Variants in LYRM4 observed in about 807,000 individuals in gnomAD.
LYRM4 encodes LYR motif containing 4, also known as LYR motif-containing protein 4.
A neutral mutation model predicts 11.7 loss-of-function variants in LYRM4; 9 were observed. The observed-to-expected ratio is 0.77, with a 90% CI of 0.46 to 1.34. The LOEUF (loss-of-function observed/expected upper bound fraction) is 1.34, where lower values mean the gene tolerates loss of function less well. LYRM4 is among the 40% of genes most tolerant of loss of function. The probability of loss-of-function intolerance (pLI) is 0.00; values close to 1 mark genes in which losing one functional copy is unlikely to be tolerated. For synonymous variants in LYRM4, 42 were observed against 40.4 expected, an observed-to-expected ratio of 1.04 and a Z score of -0.15; for missense variants, 133 against 112.5, an observed-to-expected ratio of 1.18 and a Z score of -0.82.
At chr6:5,081,134 CGGG>C in the LYRM4 span, among the ~76,000 whole-genome samples, 82 of 126,076 alleles carry the variant, frequency 6.5e-4, no homozygotes, top group African/African-American at 2.7e-3. Context: ...CACACTTGGG[CGGG>C]GGGGGGGGGG....
chr6:5,236,998 T>C (rs1016483507), intron 1 of LYRM4, among the ~76,000 whole-genome samples: 4 of 152,112 alleles, frequency 2.6e-5, no homozygotes, highest in African/African-American at 7.2e-5. Flanking sequence ...GGGCTTTGAA[T>C]TGCAGTGGGT....
chr6:5,086,436 C>T, the LYRM4 span: 15 of 1,536,532 alleles, frequency 9.8e-6, no homozygotes, highest in African/African-American at 2.7e-5. Context: ...ACGAAGAGGA[C>T]GCCGACGAGC....
chr6:5,136,822 G>A (rs1757124400), intron 2 of LYRM4: 1 of 985,216 alleles, frequency 1.0e-6, no homozygotes, highest in African/African-American at 1.7e-5. Flanking sequence ...TCTTCCTGAT[G>A]TCTCTTAACA....
intron 1 of LYRM4, among the ~76,000 whole-genome samples, chr6:5,250,658 A>C (rs1581601386): frequency 6.6e-6 from 1 of 152,226 alleles, no homozygotes; most frequent in Non-Finnish European, 1.5e-5. Context: ...GTCAGGTAAC[A>C]ATAGTTCTTT....
chr6:5,066,681 T>C, the LYRM4 span: 4 of 998,990 alleles, frequency 4.0e-6, no homozygotes, highest in Non-Finnish European at 3.2e-6. Context: ...TGGACTGCAC[T>C]GCAGCAATAG....
Position 5,218,368 on chromosome 6 carries a change from G to T in LYRM4, c.87-1630C>A, listed in dbSNP as rs78365429. On this transcript the variant is annotated intron_variant, in intron 1 of 2. Coordinates refer to ENST00000330636, the MANE Select transcript of LYRM4 (RefSeq NM_020408.6). ...AAATTTCCTTGGGAGCAGCGCGGAG[G>T]GGGTGTTGGGAGCTCATATAACTTA... 4.7e-3 allele frequency: 4,631 copies of T among 985,072 alleles called. 138 individuals are homozygous for T. In the African/African-American group the frequency reaches 0.069, roughly 15 times the overall value. The allele number at this position is 985,072 out of a possible 1,614,324, so 61.0% of individuals were successfully genotyped here.
chr6:5,182,625 T>G (rs1333718929), intron 2 of LYRM4, among the ~76,000 whole-genome samples: 2 of 152,226 alleles, frequency 1.3e-5, no homozygotes, highest in Admixed American at 1.3e-4. Context: ...TAAGAGTGGT[T>G]TAGAACAATG....
intron 2 of LYRM4, among the ~76,000 whole-genome samples, chr6:5,146,106 A>G (rs1757708489): frequency 6.6e-6 from 1 of 152,182 alleles, no homozygotes; most frequent in Non-Finnish European, 1.5e-5. Flanking sequence ...TGCTTCTGGC[A>G]CTGGATTCAG....
the LYRM4 span, among the ~76,000 whole-genome samples, chr6:5,039,180 G>T: frequency 6.6e-6 from 1 of 151,784 alleles, no homozygotes; most frequent in Non-Finnish European, 1.5e-5. Context: ...AACACTATAA[G>T]AGAAACTGGT....
chr6:5,250,804 G>A (rs1222751967), intron 1 of LYRM4, among the ~76,000 whole-genome samples: 1 of 152,100 alleles, frequency 6.6e-6, no homozygotes, highest in Non-Finnish European at 1.5e-5. Context: ...CCTTTACTAT[G>A]TTCTTACATA....
chr6:5,038,298 CA>C, the LYRM4 span, among the ~76,000 whole-genome samples: 3 of 57,846 alleles, frequency 5.2e-5, 1 homozygote, highest in Non-Finnish European at 1.2e-4. Flanking sequence ...GGCGGCCGGG[CA>C]GAGATGCTCC....
chr6:5,256,070 G>T lies in LYRM4; in HGVS notation c.86+4578C>A, dbSNP rs563079545. Among the ~76,000 whole-genome samples the T allele has an allele frequency of 6.6e-5, 10 of 151,940 alleles. No individual in the cohort carries two copies. In the South Asian group the frequency reaches 1.0e-3, roughly 16 times the overall value. ...AACAAAGAATTAGCTGGCCCAAAAGGTTGGTCATGCCAAGATTGAGAAATC... is the reference window on the plus strand; with the variant it reads ...AACAAAGAATTAGCTGGCCCAAAAGTTTGGTCATGCCAAGATTGAGAAATC... On this transcript the variant is annotated intron_variant, in intron 1 of 2. Coordinates refer to ENST00000330636, the MANE Select transcript of LYRM4 (RefSeq NM_020408.6).
At chr6:5,137,535 T>C (rs1056499673) in intron 2 of LYRM4, among the ~76,000 whole-genome samples, 1 of 152,202 alleles carries the variant, frequency 6.6e-6, no homozygotes. Flanking sequence ...GTAATCTCAC[T>C]GCATTGATAC....
intron 2 of LYRM4, among the ~76,000 whole-genome samples, chr6:5,166,024 A>G (rs1223916319): frequency 6.6e-6 from 1 of 152,180 alleles, no homozygotes. Flanking sequence ...TTTTTTTTAA[A>G]ATTATAAACT....
intron 1 of LYRM4, among the ~76,000 whole-genome samples, chr6:5,231,138 G>T (rs531352068): frequency 6.6e-6 from 1 of 152,044 alleles, no homozygotes; most frequent in East Asian, 1.9e-4. Context: ...TTAGCTGGGC[G>T]TGGTGGCGGG....
chr6:5,255,903 T>G (rs1035479272), intron 1 of LYRM4, among the ~76,000 whole-genome samples: 2 of 152,216 alleles, frequency 1.3e-5, no homozygotes, highest in Non-Finnish European at 1.5e-5. Context: ...ATAGTATTCC[T>G]AGATAATTCA....
chr6:5,169,461 G>C (rs1759289397), intron 2 of LYRM4, among the ~76,000 whole-genome samples: 1 of 152,196 alleles, frequency 6.6e-6, no homozygotes, highest in Non-Finnish European at 1.5e-5. Flanking sequence ...ACGGCCAAGA[G>C]TATAGTCAAA....
intron 2 of LYRM4, among the ~76,000 whole-genome samples, chr6:5,164,886 T>C (rs1758979774): frequency 6.7e-6 from 1 of 148,530 alleles, no homozygotes; most frequent in Non-Finnish European, 1.5e-5. Flanking sequence ...GAGAATCGCT[T>C]GAACCTGGGA....
rs778354805 is a variant in LYRM4, at chr6:5,109,451, A to G, written c.248T>C (p.Ile83Thr). The change falls in exon 3 of 3, where the codon ATT becomes ACT. Residue 83 changes from isoleucine (I) to threonine (T), a missense_variant. By Grantham distance (89) the Ile-to-Thr change is moderately conservative. Coordinates refer to ENST00000330636, the MANE Select transcript of LYRM4 (RefSeq NM_020408.6). ...GQLYSTDKLIIENRDMPRT is the reference protein window; with the variant it reads ...GQLYSTDKLITENRDMPRT ...GGTCCTGGGCATGTCTCGATTCTCA[A>G]TGATCAGCTTGTCAGTTGAATACAG... 2 of 1,614,002 alleles carry G rather than the reference A, an allele frequency of 1.2e-6. No individual in the cohort carries two copies. Among genetic ancestry groups the G allele is most frequent in the African/African-American group, 2.7e-5 (2 of 74,928 alleles).
Sources: allele counts gnomAD v4.1 joint callset (sites outside exome capture counted in the v4.1 genomes callset), GRCh38; gene constraint gnomAD v4.1.1; transcripts MANE v1.5; gene names NCBI Gene and HGNC (gene_info 2026-07-23, HGNC 2026-07-21).